Variants in SNX31 observed in about 807,000 individuals in gnomAD.
SNX31 encodes sorting nexin 31, also known as sorting nexin-31.
SNX31 carries 58 observed loss-of-function variants against 65.4 expected under a neutral mutation model. The observed-to-expected ratio is 0.89, with a 90% CI of 0.72 to 1.10. The LOEUF (loss-of-function observed/expected upper bound fraction) is 1.10. Among genes scored for constraint, SNX31 ranks in the 50% least tolerant of loss-of-function variants. SNX31 has a pLI of 0.00. For missense variants in SNX31, 523 were observed against 529.7 expected (o/e 0.99, Z 0.12); for synonymous variants, 181 against 190.1 (o/e 0.95, Z 0.39).
At chr8:100,662,654 G>A (rs1809806857) in intron 1 of SNX31, among the ~76,000 whole-genome samples, 1 of 152,122 alleles carries the variant, frequency 6.6e-6, no homozygotes, top group Non-Finnish European at 1.5e-5. Context: ...CCAAGATCGC[G>A]CCACTGCACT....
chr8:100,604,244 G>C lies in SNX31; in HGVS notation c.682-3803C>G, dbSNP rs1477387530. ...AACTTAAAAAATCAAGCATCCTAAA[G>C]GTGCTGCAGATAGAAAAAAAGAAAA... On this transcript the variant is annotated intron_variant, in intron 8 of 13. Coordinates refer to ENST00000311812, the MANE Select transcript of SNX31 (RefSeq NM_152628.4). The surrounding 1 kb of genome is among the most constrained non-coding windows in gnomAD (Gnocchi z 4.3). Among the ~76,000 whole-genome samples the C allele has an allele frequency of 1.3e-5, 2 of 151,916 alleles. No homozygotes were observed. Among genetic ancestry groups the C allele is most frequent in the African/African-American group, 4.8e-5 (2 of 41,336 alleles).
At chr8:100,645,405 T>C (rs972514094) in intron 2 of SNX31, among the ~76,000 whole-genome samples, 45 of 152,190 alleles carry the variant, frequency 3.0e-4, no homozygotes, top group Admixed American at 1.3e-4. Context: ...GAGAAATATC[T>C]GGGAGAGGTC....
At chr8:100,650,850 G>GTTTTTT (rs58797178), upstream of SNX31, among the ~76,000 whole-genome samples, 1 of 136,966 alleles carries the variant, frequency 7.3e-6, no homozygotes, top group Non-Finnish European at 1.6e-5. Context: ...GTGTTTTTTT[G>GTTTTTT]TTTTTTTTTT....
chr8:100,658,057 TA>T (rs975959626), intron 1 of SNX31, among the ~76,000 whole-genome samples: 5 of 152,048 alleles, frequency 3.3e-5, no homozygotes, highest in African/African-American at 1.2e-4. Flanking sequence ...TGGGAAGCTT[TA>T]AAAAAATGCT....
rs1813222457 is a variant in SNX31 at position 100,578,416 on chromosome 8, A to G, written c.1171-1341T>C. On this transcript the variant is annotated intron_variant, in intron 12 of 13. Coordinates refer to ENST00000311812, the MANE Select transcript of SNX31 (RefSeq NM_152628.4). This position sits in a 1 kb window ranked among gnomAD's most constrained non-coding sequence, Gnocchi z 4.7. ...TCTTTGACTCTGGATCCTCAGGTTT[A>G]GCCATCACATGGTACACACAGGCAT... Among the ~76,000 whole-genome samples, 1 of 152,210 alleles carries G rather than the reference A, an allele frequency of 6.6e-6. No homozygotes were observed. The highest frequency in any genetic ancestry group is 2.1e-4 in the South Asian group (1 of 4,830).
chr8:100,574,274 G>A (rs138539577), intron 13 of SNX31, among the ~76,000 whole-genome samples: 3 of 152,216 alleles, frequency 2.0e-5, no homozygotes, highest in African/African-American at 4.8e-5. Flanking sequence ...AAAGCCATGC[G>A]ACTTTCAATT....
rs1816771159 is a variant in SNX31, at chr8:100,612,177, TA to T, written c.524-91del. The T allele has an allele frequency of 3.9e-6, 3 of 763,118 alleles. No individual in the cohort carries two copies. Among genetic ancestry groups the T allele is most frequent in the Non-Finnish European group, 6.6e-6 (3 of 452,024 alleles). The allele number at this position is 763,118 out of a possible 1,614,324, so 47.3% of individuals were successfully genotyped here. A position where few individuals can be genotyped will look rare whatever the true frequency, so the allele number is the denominator to read the frequency against. On this transcript the variant is annotated intron_variant, in intron 6 of 13. Transcript: ENST00000311812. This position sits in a 1 kb window ranked among gnomAD's most constrained non-coding sequence, Gnocchi z 4.3. ...TTCAAATGAGAAAATAAAACCTTAT[TA>T]TTGGAAATAATAAAATCACAGTAAG...
intron 8 of SNX31, among the ~76,000 whole-genome samples, chr8:100,602,660 G>A (rs970676760): frequency 6.6e-6 from 1 of 152,134 alleles, no homozygotes; most frequent in Non-Finnish European, 1.5e-5. Context: ...TAAAACTGGG[G>A]CCTTGAACAC....
Position 100,649,303 on chromosome 8 carries a change from A to G in SNX31, c.112T>C (p.Tyr38His). Residue 38 changes from tyrosine to histidine, a missense_variant, in exon 2 of 14, where the codon TAC (tyrosine) becomes CAC (histidine). Tyr to His is a moderately conservative substitution (Grantham distance 83). Transcript: ENST00000311812. Reference sequence around the variant, plus strand: ...TCGTTCCAACCGTGCAGCTGGCTGTAGCGCACCCTGCAGAAGAGGAACCCG... The same window carrying G: ...TCGTTCCAACCGTGCAGCTGGCTGTGGCGCACCCTGCAGAAGAGGAACCCG... ...LDGFLFCRVR[Y>H]SQLHGWNEQL... 6.2e-7 allele frequency: 1 copy of G among 1,613,924 alleles called. No homozygotes were observed. Among genetic ancestry groups the G allele is most frequent in the Non-Finnish European group, 8.5e-7 (1 of 1,179,900 alleles).
In SNX31 at chr8:100,588,968, C is replaced by T. The variant is rs1814317436; in HGVS notation, c.990G>A (p.Leu330=). The change falls in exon 11 of 14, where the codon CTG becomes CTA. Residue 330 remains leucine, a synonymous_variant. Transcript: ENST00000311812. The surrounding 1 kb of genome is among the most constrained non-coding windows in gnomAD (Gnocchi z 4.8). ...CWQVTFLGTL[L]DTDGPQRTLN... is the part of the protein sequence containing the mutation. ...GAGTTCTCTGGGGCCCATCCGTATC[C>T]AGCAGAGTTCCCTACAAAGGAAAAT... The T allele has an allele frequency of 3.7e-6, 6 of 1,612,510 alleles. No individual in the cohort carries two copies. Among genetic ancestry groups the T allele is most frequent in the African/African-American group, 1.3e-5 (1 of 74,848 alleles).
At chr8:100,639,731 C>G (rs186875385) in intron 2 of SNX31, among the ~76,000 whole-genome samples, 298 of 152,238 alleles carry the variant, frequency 2.0e-3, no homozygotes, top group African/African-American at 6.9e-3. Flanking sequence ...TGCAACAACA[C>G]TCCAGTAACA....
At chr8:100,628,791 C>T (rs895687844) in intron 4 of SNX31, among the ~76,000 whole-genome samples, 3 of 149,568 alleles carry the variant, frequency 2.0e-5, no homozygotes, top group Non-Finnish European at 4.4e-5. Flanking sequence ...GTTGAGTGTG[C>T]GCTTGTTTGT....
chr8:100,589,992 T>C (rs1332900750), intron 10 of SNX31, among the ~76,000 whole-genome samples: 1 of 152,246 alleles, frequency 6.6e-6, no homozygotes, highest in African/African-American at 2.4e-5. Context: ...TAGGTCCTGA[T>C]AGAGTTCCTA....
At chr8:100,635,374 G>A (rs1261483039) in intron 3 of SNX31, among the ~76,000 whole-genome samples, 2 of 151,424 alleles carry the variant, frequency 1.3e-5, no homozygotes, top group African/African-American at 4.9e-5. Flanking sequence ...TGAGTAGCTG[G>A]GATTATAGGC....
At chr8:100,583,873 C>T (rs1045088296) in intron 12 of SNX31, among the ~76,000 whole-genome samples, 8 of 152,150 alleles carry the variant, frequency 5.3e-5, no homozygotes, top group African/African-American at 1.9e-4. Context: ...TTCTCAGTAA[C>T]CCAAAGATGA....
intron 12 of SNX31, among the ~76,000 whole-genome samples, chr8:100,577,417 T>A (rs766811709): frequency 1.3e-5 from 2 of 152,252 alleles, no homozygotes; most frequent in Non-Finnish European, 2.9e-5. Flanking sequence ...ATCCATATGC[T>A]GACTCAAAGC....
chr8:100,643,372 G>A (rs1408661795), intron 2 of SNX31, among the ~76,000 whole-genome samples: 4 of 151,976 alleles, frequency 2.6e-5, no homozygotes, highest in Non-Finnish European at 5.9e-5. Context: ...CCAAAATGGT[G>A]ATGGCCTGGG....
Position 100,649,467 on chromosome 8 carries a change from C to A in SNX31, c.48G>T (p.Ala16=), listed in dbSNP as rs556203287. 7.6e-6 allele frequency: 12 copies of A among 1,586,142 alleles called. No individual in the cohort carries two copies. Among genetic ancestry groups the A allele is most frequent in the Non-Finnish European group, 1.0e-5 (12 of 1,167,054 alleles). ...GGCGCACCACGTAGCGGCCCCCCAG[C>A]GCGTCGGACCGCTGCTGGGACACCG... ...CIPVSQQRSD[A]LGGRYVLYSV... is the part of the protein sequence containing the mutation. Residue 16 remains alanine (A), a synonymous_variant, in exon 1 of 14, where the codon GCG becomes GCT. Transcript: ENST00000311812.
chr8:100,619,605 G>A (rs1470597786), intron 4 of SNX31, among the ~76,000 whole-genome samples: 1 of 152,246 alleles, frequency 6.6e-6, no homozygotes, highest in Non-Finnish European at 1.5e-5. Flanking sequence ...AGAGAGGCCA[G>A]CGGCTGCCCA....
Sources: gnomAD v4.1 joint callset for allele counts (sites outside exome capture counted in the v4.1 genomes callset) on GRCh38, gnomAD v4.1.1 for gene constraint, Gnocchi (gnomAD v3.1) non-coding constraint, MANE v1.5 for transcripts, NCBI Gene and HGNC (gene_info 2026-07-23, HGNC 2026-07-21) for gene names.